COL11A1: variants seen among roughly 807,000 people sequenced by gnomAD.
COL11A1 encodes collagen alpha-1(XI) chain.
COL11A1 carries 74 observed loss-of-function variants against 265.2 expected under a neutral mutation model. That is an observed-to-expected ratio of 0.28 (90% CI 0.23 to 0.34). The LOEUF (loss-of-function observed/expected upper bound fraction) is 0.34. Ranked by LOEUF, COL11A1 falls within the 10% of genes least tolerant of loss-of-function variation. COL11A1 has a pLI of 1.00. For synonymous variants in COL11A1, 816 were observed against 727.6 expected, an observed-to-expected ratio of 1.12 and a Z score of -1.96; for missense variants, 2,165 against 2,263.6, an observed-to-expected ratio of 0.96 and a Z score of 0.88.
At chr1:102,961,172 T>A (rs1342294418) in intron 41 of COL11A1, among the ~76,000 whole-genome samples, 2 of 152,078 alleles carry the variant, frequency 1.3e-5, no homozygotes, top group African/African-American at 2.4e-5. Flanking sequence ...TATAGTGAAA[T>A]TTCAGTGTGC....
intron 4 of COL11A1, among the ~76,000 whole-genome samples, chr1:103,052,098 C>T (rs963701230): frequency 1.3e-5 from 2 of 152,154 alleles, no homozygotes; most frequent in Non-Finnish European, 2.9e-5. Context: ...CAGTTCTATT[C>T]CATATTGAAA....
At position 103,001,913 on chromosome 1, in the gene COL11A1, A is replaced by G. The variant is rs1665143931; in HGVS notation, c.2142+12T>C. ...GTTCACCAGGCTTTACGAGAACAAC[A>G]GAGTAACTTACTTTTTCACCAGGAG... On this transcript the variant is annotated intron_variant, in intron 24 of 66. Transcript: ENST00000370096. 6.2e-7 allele frequency: 1 copy of G among 1,612,680 alleles called. No individual in the cohort carries two copies. The highest frequency in any genetic ancestry group is 1.3e-5 in the African/African-American group (1 of 74,920).
At chr1:102,931,140 G>C (rs1657379500) in intron 46 of COL11A1, among the ~76,000 whole-genome samples, 1 of 132,232 alleles carries the variant, frequency 7.6e-6, no homozygotes, top group African/African-American at 2.8e-5. Context: ...GCTAGCTTTT[G>C]AATGTGTTTG....
chr1:103,090,276 T>C (rs1288009892), intron 1 of COL11A1, among the ~76,000 whole-genome samples: 3 of 151,982 alleles, frequency 2.0e-5, no homozygotes, highest in African/African-American at 7.3e-5. Flanking sequence ...GGCATACCAT[T>C]ATGGAACTAA....
At chr1:102,944,038 T>C (rs1659012479) in intron 42 of COL11A1, among the ~76,000 whole-genome samples, 1 of 152,122 alleles carries the variant, frequency 6.6e-6, no homozygotes, top group South Asian at 2.1e-4. Context: ...TGATTAATAA[T>C]ATAGGGATGC....
chr1:102,960,661 C>A (rs571959758), intron 41 of COL11A1, among the ~76,000 whole-genome samples: 10 of 151,182 alleles, frequency 6.6e-5, no homozygotes, highest in Admixed American at 5.9e-4. Flanking sequence ...ATACTCTTCT[C>A]AAAATAGAAA....
intron 1 of COL11A1, among the ~76,000 whole-genome samples, chr1:103,106,971 C>G (rs1674742090): frequency 6.6e-6 from 1 of 152,182 alleles, no homozygotes; most frequent in Non-Finnish European, 1.5e-5. Flanking sequence ...TTCCTATCCC[C>G]CAGCTTCTTT....
chr1:103,105,158 G>C (rs1558061533), intron 1 of COL11A1, among the ~76,000 whole-genome samples: 3 of 151,538 alleles, frequency 2.0e-5, no homozygotes, highest in African/African-American at 7.3e-5. Context: ...TCTATCTTAA[G>C]ATAATCATAG....
At chr1:103,030,160 G>A (rs978714189) in intron 5 of COL11A1, among the ~76,000 whole-genome samples, 2 of 151,868 alleles carry the variant, frequency 1.3e-5, no homozygotes, top group Non-Finnish European at 2.9e-5. Context: ...CTGTGAAACA[G>A]GTAAATAAAA....
intron 1 of COL11A1, among the ~76,000 whole-genome samples, chr1:103,092,078 A>G (rs1673367286): frequency 6.6e-6 from 1 of 152,126 alleles, no homozygotes; most frequent in South Asian, 2.1e-4. Flanking sequence ...ATAGTAAAAT[A>G]TTCTGAAGTG....
In COL11A1 at chr1:102,888,649, A is replaced by G; in HGVS notation, c.4555-19T>C. 6.2e-7 allele frequency: 1 copy of G among 1,613,878 alleles called. No homozygotes were observed. Among genetic ancestry groups the G allele is most frequent in the Non-Finnish European group, 8.5e-7 (1 of 1,179,810 alleles). On this transcript the variant is annotated intron_variant, in intron 61 of 66. Coordinates refer to ENST00000370096, the MANE Select transcript of COL11A1 (RefSeq NM_001854.4). ...CGGGTCCCTGTTAGAAAGAAGAGAG[A>G]GGACATAAATAAAGAAGAGGCAATT...
At chr1:103,056,250 A>C (rs1425567569) in intron 4 of COL11A1, among the ~76,000 whole-genome samples, 3 of 152,118 alleles carry the variant, frequency 2.0e-5, no homozygotes, top group Non-Finnish European at 4.4e-5. Flanking sequence ...GAAGAGGGGA[A>C]TTGCCTAATT....
At chr1:102,878,473 C>A (rs1415908365) in intron 66 of COL11A1, among the ~76,000 whole-genome samples, 1 of 9,344 alleles carries the variant, frequency 1.1e-4, no homozygotes, top group Admixed American at 1.7e-3. Context: ...GTATTGAATC[C>A]TCATATATAT....
At chr1:102,983,222 AT>A (rs139881992) in intron 31 of COL11A1, among the ~76,000 whole-genome samples, 4,595 of 152,132 alleles carry the variant, frequency 0.03, 262 homozygotes, top group African/African-American at 0.11. Flanking sequence ...TGAAAACCAT[AT>A]TTTTTATGCT....
At chr1:102,918,348 T>C (rs1655590474) in intron 49 of COL11A1, among the ~76,000 whole-genome samples, 1 of 151,880 alleles carries the variant, frequency 6.6e-6, no homozygotes, top group Non-Finnish European at 1.5e-5. Flanking sequence ...ACAAAATTAG[T>C]GAAGTGCAAA....
At chr1:102,976,446 C>T (rs1480053337) in intron 35 of COL11A1, among the ~76,000 whole-genome samples, 1 of 151,544 alleles carries the variant, frequency 6.6e-6, no homozygotes, top group East Asian at 1.9e-4. Flanking sequence ...TTACAGGCAC[C>T]CACCACCATG....
At chr1:102,970,897 G>A (rs558306817) in intron 36 of COL11A1, among the ~76,000 whole-genome samples, 4 of 151,900 alleles carry the variant, frequency 2.6e-5, no homozygotes, top group Non-Finnish European at 5.9e-5. Flanking sequence ...GCCTGTAGTC[G>A]CAGCTACTCG....
At chr1:103,068,799 T>C (rs937758545) in intron 4 of COL11A1, among the ~76,000 whole-genome samples, 1 of 150,792 alleles carries the variant, frequency 6.6e-6, no homozygotes. Context: ...TATTCAAATA[T>C]GACATTAGAA....
chr1:103,044,329 A>G (rs190689898), intron 4 of COL11A1, among the ~76,000 whole-genome samples: 3 of 152,216 alleles, frequency 2.0e-5, no homozygotes, highest in African/African-American at 7.2e-5. Flanking sequence ...GAGGGAAACC[A>G]TATAATCACA....
Sources: allele counts gnomAD v4.1 joint callset (sites outside exome capture counted in the v4.1 genomes callset), GRCh38; gene constraint gnomAD v4.1.1; transcripts MANE v1.5; gene names NCBI Gene and HGNC (gene_info 2026-07-23, HGNC 2026-07-21).